ACYP2: variants seen among roughly 807,000 people sequenced by gnomAD.
The protein encoded by ACYP2 is acylphosphatase-2.
In ACYP2, 12 loss-of-function variants were observed where a neutral mutation model predicts 11.2. The observed-to-expected ratio is 1.08, with a 90% CI of 0.69 to 1.74. The LOEUF (loss-of-function observed/expected upper bound fraction) is 1.74, where lower values mean the gene tolerates loss of function less well. Ranked by LOEUF, ACYP2 falls within the 40% of genes most tolerant of loss-of-function variation. ACYP2 has a pLI of 0.00. For synonymous variants in ACYP2, 43 were observed against 32.2 expected, an observed-to-expected ratio of 1.33 and a Z score of -1.13; for missense variants, 134 against 101.9, an observed-to-expected ratio of 1.31 and a Z score of -1.35.
chr2:54,039,966 G>C (rs1675138286), intron 2 of ACYP2, among the ~76,000 whole-genome samples: 1 of 151,076 alleles, frequency 6.6e-6, no homozygotes, highest in Non-Finnish European at 1.5e-5. Flanking sequence ...AGAGATCTTT[G>C]TGCCTTGGCC....
At chr2:54,292,857 A>G (rs749424314) in intron 6 of ACYP2, among the ~76,000 whole-genome samples, 1 of 152,188 alleles carries the variant, frequency 6.6e-6, no homozygotes, top group Non-Finnish European at 1.5e-5. Context: ...TTAGCAGTCA[A>G]TTCTGCAGAG....
chr2:54,119,688 C>T (rs1205623460), intron 4 of ACYP2, among the ~76,000 whole-genome samples: 1 of 152,106 alleles, frequency 6.6e-6, no homozygotes, highest in African/African-American at 2.4e-5. Flanking sequence ...GTTTTCCAAC[C>T]AAAAATGATG....
chr2:54,123,320 A>G (rs1218547526), intron 4 of ACYP2: 1 of 398,594 alleles, frequency 2.5e-6, no homozygotes, highest in African/African-American at 2.1e-5. Flanking sequence ...TCTTCACTGC[A>G]GTTGTTTTGG....
At chr2:54,127,479 C>T (rs1430459891) in intron 4 of ACYP2, among the ~76,000 whole-genome samples, 1 of 152,148 alleles carries the variant, frequency 6.6e-6, no homozygotes, top group Non-Finnish European at 1.5e-5. Context: ...CACCTGTAAT[C>T]CCAGCACTTT....
intron 6 of ACYP2, among the ~76,000 whole-genome samples, chr2:54,149,882 A>G (rs982468032): frequency 6.6e-6 from 1 of 152,218 alleles, no homozygotes; most frequent in Non-Finnish European, 1.5e-5. Context: ...GAGAAAAAAT[A>G]CTTGAAATCA....
At chr2:54,301,269 A>G (rs1382809155) in intron 6 of ACYP2, among the ~76,000 whole-genome samples, 1 of 152,124 alleles carries the variant, frequency 6.6e-6, no homozygotes, top group African/African-American at 2.4e-5. Context: ...GGCATTTCCC[A>G]TTCTAAGATT....
chr2:54,280,706 A>T (rs1688811077), intron 6 of ACYP2, among the ~76,000 whole-genome samples: 1 of 152,238 alleles, frequency 6.6e-6, no homozygotes, highest in Non-Finnish European at 1.5e-5. Flanking sequence ...GGTCTGTGAC[A>T]ACCTTCCTGA....
chr2:54,219,857 A>ATGTGTGTG (rs771365126), intron 6 of ACYP2, among the ~76,000 whole-genome samples: 694 of 40,990 alleles, frequency 0.017, 17 homozygotes, highest in African/African-American at 0.033. Context: ...GTGTATATAG[A>ATGTGTGTG]TGTGTGTGTG....
chr2:54,072,735 G>T (rs1044323871), intron 4 of ACYP2, among the ~76,000 whole-genome samples: 2 of 151,816 alleles, frequency 1.3e-5, no homozygotes, highest in Non-Finnish European at 2.9e-5. Context: ...GCTAATTTTT[G>T]TATTTTTAGT....
chr2:54,229,237 C>T (rs923011127), intron 6 of ACYP2, among the ~76,000 whole-genome samples: 1 of 152,184 alleles, frequency 6.6e-6, no homozygotes, highest in Non-Finnish European at 1.5e-5. Flanking sequence ...ACATTAGATA[C>T]CCAAAGACTG....
chr2:54,009,802 C>G (rs537343345), intron 2 of ACYP2, among the ~76,000 whole-genome samples: 56 of 152,234 alleles, frequency 3.7e-4, no homozygotes, highest in Non-Finnish European at 7.4e-4. Flanking sequence ...TACTAACTGG[C>G]TAACACTTAT....
chr2:54,211,586 T>C (rs1197811410), intron 6 of ACYP2, among the ~76,000 whole-genome samples: 1 of 152,238 alleles, frequency 6.6e-6, no homozygotes, highest in Non-Finnish European at 1.5e-5. Flanking sequence ...TTGTCAGTTC[T>C]ATGTTTGAGC....
chr2:54,149,874 GA>G (rs1203145485), intron 6 of ACYP2, among the ~76,000 whole-genome samples: 2 of 152,148 alleles, frequency 1.3e-5, no homozygotes, highest in Non-Finnish European at 2.9e-5. Flanking sequence ...TTTAGCTGGA[GA>G]AAAAATACTT....
intron 6 of ACYP2, among the ~76,000 whole-genome samples, chr2:54,224,793 A>G (rs961070688): frequency 1.3e-5 from 2 of 152,234 alleles, no homozygotes; most frequent in African/African-American, 4.8e-5. Flanking sequence ...GTTATCTTTT[A>G]AATAAGTATT....
At chr2:54,064,311 C>G (rs1415456434) in intron 4 of ACYP2, among the ~76,000 whole-genome samples, 1 of 152,198 alleles carries the variant, frequency 6.6e-6, no homozygotes, top group Non-Finnish European at 1.5e-5. Flanking sequence ...CCAGTCAACA[C>G]CACCCAGCCA....
At chr2:54,292,589 C>G (rs1689354807) in intron 6 of ACYP2, among the ~76,000 whole-genome samples, 2 of 151,890 alleles carry the variant, frequency 1.3e-5, no homozygotes, top group Admixed American at 1.3e-4. Flanking sequence ...TCAGACAGTG[C>G]TGTCCTGTAG....
intron 2 of ACYP2, among the ~76,000 whole-genome samples, chr2:54,008,848 G>T (rs1461130825): frequency 6.6e-6 from 1 of 152,014 alleles, no homozygotes; most frequent in East Asian, 1.9e-4. Context: ...AGACAAAGTT[G>T]TGTCAAAAAA....
chr2:54,030,659 C>A, intron 2 of ACYP2: 2 of 191,208 alleles, frequency 1.0e-5, no homozygotes, highest in East Asian at 1.3e-4. Flanking sequence ...CAGCGCCTCT[C>A]CTCTCTCCCT....
At chr2:54,302,530 G>C (rs531962521) in intron 6 of ACYP2, among the ~76,000 whole-genome samples, 1 of 152,220 alleles carries the variant, frequency 6.6e-6, no homozygotes, top group East Asian at 1.9e-4. Context: ...TTTCTATCTA[G>C]ATTCATTTTC....
Sources: gnomAD v4.1 joint callset for allele counts (sites outside exome capture counted in the v4.1 genomes callset) on GRCh38, gnomAD v4.1.1 for gene constraint, MANE v1.5 for transcripts, NCBI Gene and HGNC (gene_info 2026-07-23, HGNC 2026-07-21) for gene names.